The following ATP6V0E1 variants were observed in gnomAD, a reference collection of about 807,000 sequenced individuals.
ATP6V0E1 encodes ATPase H+ transporting V0 subunit e1.
ATP6V0E1 carries 4 observed loss-of-function variants against 11.6 expected under a neutral mutation model. That is an observed-to-expected ratio of 0.35 (90% confidence interval 0.17 to 0.79). The LOEUF is 0.79. Among genes scored for constraint, ATP6V0E1 ranks in the 30% least tolerant of loss-of-function variants. The pLI is 0.54. For synonymous variants in ATP6V0E1, 36 were observed against 34.8 expected (o/e 1.04, Z -0.13); for missense variants, 105 against 100.0 (o/e 1.05, Z -0.21).
rs142314611 is a variant in ATP6V0E1 at position 173,023,780 on chromosome 5, A to G, written c.*36+3413A>G. Among the ~76,000 whole-genome samples the G allele has an allele frequency of 5.1e-3, 778 of 151,962 alleles. 8 individuals carry two copies. The highest frequency in any genetic ancestry group is 0.018 in the African/African-American group (740 of 41,466). On this transcript the variant is annotated intron_variant, in intron 3 of 3. Coordinates refer to ENST00000519374, the MANE Select transcript of ATP6V0E1 (RefSeq NM_003945.4). ...GGAGAACTTGAGCCTGGGAGGTGGA[A>G]GTTGTAGTGAGCCAAGATCGCACCA...
chr5:172,994,638 T>C, intron 1 of ATP6V0E1, 137 bp from the exon 2 acceptor site: 1 of 678,952 alleles, frequency 1.5e-6, no homozygotes. Flanking sequence ...GCTGGATATT[T>C]GAGCAAATAC....
chr5:173,035,269 G>T lies in ATP6V0E1; in HGVS notation c.*907G>T, dbSNP rs1756725541. ...CCAGCTGCAGAACAAGGCAGCAAAT[G>T]CTCCTGAGATGGAACCATCACAGCC... On this transcript the variant is annotated 3_prime_UTR_variant, in exon 4 of 4. Coordinates refer to ENST00000519374, the MANE Select transcript of ATP6V0E1 (RefSeq NM_003945.4). 1 of 152,166 alleles carries T rather than the reference G, an allele frequency of 6.6e-6. No individual in the cohort carries two copies. Among genetic ancestry groups the T allele is most frequent in the Non-Finnish European group, 1.5e-5 (1 of 68,036 alleles). 9.4% of individuals were successfully genotyped at this position (152,166 alleles called of 1,614,324 possible).
chr5:173,017,332 G>A (rs974742113), intron 2 of ATP6V0E1, among the ~76,000 whole-genome samples: 5 of 149,570 alleles, frequency 3.3e-5, no homozygotes, highest in Admixed American at 6.7e-5. Flanking sequence ...TCAGGAGTGC[G>A]AGACCAGCCT....
chr5:172,990,940 A>G (rs1581624106), intron 1 of ATP6V0E1, among the ~76,000 whole-genome samples: 1 of 151,148 alleles, frequency 6.6e-6, no homozygotes, highest in African/African-American at 2.4e-5. Flanking sequence ...TTGAGCCACC[A>G]TACCTGTTTT....
At chr5:173,032,430 A>G (rs1190878870) in intron 3 of ATP6V0E1, among the ~76,000 whole-genome samples, 1 of 151,820 alleles carries the variant, frequency 6.6e-6, no homozygotes, top group East Asian at 1.9e-4. Context: ...CTGGGACTAC[A>G]GGCATGCACC....
chr5:173,011,258 G>A lies in ATP6V0E1; in HGVS notation c.153-8980G>A, dbSNP rs190962834. ...GTGCAGTGGCATGATCATAGCTCAC[G>A]GCAGCCTTGACCTCCGGCCAGTGAT... On this transcript the variant is annotated intron_variant, in intron 2 of 3. Transcript: ENST00000519374. Among the ~76,000 whole-genome samples, 4 of 147,014 alleles carry A rather than the reference G, an allele frequency of 2.7e-5. No individual in the cohort carries two copies. The East Asian group carries it at 6.0e-4, about 22-fold the overall frequency.
chr5:172,990,467 C>T (rs1755962527), intron 1 of ATP6V0E1, among the ~76,000 whole-genome samples: 1 of 152,052 alleles, frequency 6.6e-6, no homozygotes, highest in Non-Finnish European at 1.5e-5. Flanking sequence ...TCAGTCAACT[C>T]CATTTTTCTT....
intron 1 of ATP6V0E1, among the ~76,000 whole-genome samples, 198 bp downstream of exon 1, chr5:172,984,162 G>T (rs1160406814): frequency 6.6e-6 from 1 of 151,908 alleles, no homozygotes; most frequent in Non-Finnish European, 1.5e-5. Flanking sequence ...CTGAGCGAGT[G>T]GAGGGTGACC....
At chr5:173,000,857 T>G (rs1030013950) in intron 2 of ATP6V0E1, among the ~76,000 whole-genome samples, 2 of 152,056 alleles carry the variant, frequency 1.3e-5, no homozygotes, top group Admixed American at 6.6e-5. Context: ...TGCGCCACCA[T>G]GCCTGGCTAT....
chr5:173,020,709 A>G (rs1193103475), intron 3 of ATP6V0E1: 1 of 519,772 alleles, frequency 1.9e-6, no homozygotes, highest in Non-Finnish European at 3.8e-6. Context: ...TGGCAGATTT[A>G]AAATTGAGCA....
intron 1 of ATP6V0E1, among the ~76,000 whole-genome samples, chr5:172,984,735 C>G (rs764697182): frequency 2.0e-5 from 3 of 152,184 alleles, no homozygotes; most frequent in Non-Finnish European, 4.4e-5. Flanking sequence ...CACCCTCTTC[C>G]TGGTTCCTCT....
At chr5:172,998,973 C>T (rs1364595760) in intron 2 of ATP6V0E1, among the ~76,000 whole-genome samples, 1 of 152,030 alleles carries the variant, frequency 6.6e-6, no homozygotes. Context: ...CCCATCTCTA[C>T]TAATAATACA....
In ATP6V0E1 at chr5:172,983,815, A is replaced by T. The variant is rs1755838797; in HGVS notation, c.-46A>T. 1 of 1,577,038 alleles carries T rather than the reference A, an allele frequency of 6.3e-7. No individual in the cohort carries two copies. Among genetic ancestry groups the T allele is most frequent in the African/African-American group, 1.3e-5 (1 of 74,374 alleles). ...TCAGCTATTGACACTTCCTGGTGGGATCCGAGTGAGGCGACGGGGTAGGGG... is the reference window on the plus strand; with the variant it reads ...TCAGCTATTGACACTTCCTGGTGGGTTCCGAGTGAGGCGACGGGGTAGGGG... On this transcript the variant is annotated 5_prime_UTR_variant, in exon 1 of 4. Transcript: ENST00000519374.
chr5:173,021,184 T>C (rs963141446), intron 3 of ATP6V0E1, among the ~76,000 whole-genome samples: 3 of 151,426 alleles, frequency 2.0e-5, no homozygotes. Flanking sequence ...GAGAAGGAGG[T>C]GCCAGGCTCC....
At chr5:172,994,575 A>G (rs559097222) in intron 1 of ATP6V0E1, among the ~76,000 whole-genome samples, 200 bp from the exon 2 acceptor site, 1 of 152,268 alleles carries the variant, frequency 6.6e-6, no homozygotes, top group East Asian at 1.9e-4. Flanking sequence ...TTTAAATACA[A>G]ATGTTTAATT....
intron 2 of ATP6V0E1, among the ~76,000 whole-genome samples, chr5:173,004,088 C>G (rs1756194862): frequency 6.6e-6 from 1 of 152,082 alleles, no homozygotes; most frequent in Non-Finnish European, 1.5e-5. Flanking sequence ...AAGAAAAGAT[C>G]CGACCAAACC....
At chr5:173,032,955 G>A (rs986630770) in intron 3 of ATP6V0E1, among the ~76,000 whole-genome samples, 7 of 152,218 alleles carry the variant, frequency 4.6e-5, no homozygotes, top group Non-Finnish European at 1.0e-4. Flanking sequence ...AATTAGCTGG[G>A]CATGATGGCG....
intron 2 of ATP6V0E1, among the ~76,000 whole-genome samples, chr5:173,004,578 C>T (rs522133): frequency 0.13 from 20,313 of 152,124 alleles, 1,721 homozygotes; most frequent in African/African-American, 0.23. Context: ...ACCATTGTTA[C>T]ATCAAATAGT....
chr5:173,026,116 A>G (rs542396276), intron 3 of ATP6V0E1, among the ~76,000 whole-genome samples: 27 of 152,038 alleles, frequency 1.8e-4, no homozygotes, highest in African/African-American at 6.0e-4. Flanking sequence ...CCACCTCAGC[A>G]TCCTGAGTAG....
Sources: allele counts gnomAD v4.1 joint callset (sites outside exome capture counted in the v4.1 genomes callset), GRCh38; gene constraint gnomAD v4.1.1; transcripts MANE v1.5; gene names NCBI Gene and HGNC (gene_info 2026-07-23, HGNC 2026-07-21).